The following EVA1C variants were observed in gnomAD, a reference collection of about 807,000 sequenced individuals.
The protein encoded by EVA1C is eva-1 homolog C.
Under a neutral mutation model 45.4 loss-of-function variants are expected in EVA1C, and 25 were observed. The ratio of observed to expected loss-of-function variants is 0.55; its 90% CI spans 0.40 to 0.77. The LOEUF (loss-of-function observed/expected upper bound fraction) is 0.77, where lower values mean the gene tolerates loss of function less well. Ranked by LOEUF, EVA1C falls within the 30% of genes least tolerant of loss-of-function variation. EVA1C has a pLI of 0.00. For synonymous variants in EVA1C, 190 were observed against 221.2 expected (o/e 0.86, Z 1.25); for missense variants, 479 against 554.8 (o/e 0.86, Z 1.37).
intron 1 of EVA1C, among the ~76,000 whole-genome samples, chr21:32,445,249 G>A (rs1005162175): frequency 6.6e-6 from 1 of 152,242 alleles, no homozygotes; most frequent in African/African-American, 2.4e-5. Context: ...CAATAGTGCA[G>A]AGGAAGCAAT....
intron 4 of EVA1C, among the ~76,000 whole-genome samples, chr21:32,473,192 C>G (rs1196294689): frequency 1.3e-5 from 2 of 152,246 alleles, no homozygotes; most frequent in South Asian, 2.1e-4. Flanking sequence ...TAATTGAATG[C>G]TATGAAATCA....
chr21:32,502,041 TTTCTTTCTTTC>T (rs869254801), intron 6 of EVA1C, among the ~76,000 whole-genome samples: 3 of 117,514 alleles, frequency 2.6e-5, no homozygotes, highest in Non-Finnish European at 5.2e-5. Context: ...TCTTTCTTTC[TTTCTTTCTTTC>T]TTCTTTCTTT....
chr21:32,450,414 CA>C (rs1304850497), intron 1 of EVA1C, among the ~76,000 whole-genome samples: 4 of 148,974 alleles, frequency 2.7e-5, no homozygotes, highest in Admixed American at 2.0e-4. Flanking sequence ...GCTACAGTGA[CA>C]AGATCTTTTG....
rs1328894757 is a variant in EVA1C, at chr21:32,432,760, G to A, written c.160+19747G>A. On this transcript the variant is annotated intron_variant, in intron 1 of 7. Coordinates refer to ENST00000300255, the MANE Select transcript of EVA1C (RefSeq NM_058187.5). Reference sequence around the variant, plus strand: ...TTTAGAGACAGGGTCTTGCTCTGTTGCCCAGGCTGGAGTGCAGTGATGTGA... The same window carrying A: ...TTTAGAGACAGGGTCTTGCTCTGTTACCCAGGCTGGAGTGCAGTGATGTGA... Among the ~76,000 whole-genome samples the A allele has an allele frequency of 5.3e-5, 8 of 152,294 alleles. No individual in the cohort carries two copies. The South Asian group carries it at 1.7e-3, about 32-fold the overall frequency.
chr21:32,453,112 T>G (rs2035644372), intron 1 of EVA1C, 200 bp from the exon 2 acceptor site: 3 of 497,776 alleles, frequency 6.0e-6, no homozygotes, highest in African/African-American at 1.9e-5. Flanking sequence ...CATGTCAACA[T>G]GAAAGCTGAC....
At chr21:32,502,352 G>A (rs1320024414) in intron 6 of EVA1C, among the ~76,000 whole-genome samples, 1 of 152,040 alleles carries the variant, frequency 6.6e-6, no homozygotes, top group Non-Finnish European at 1.5e-5. Flanking sequence ...CCTCGTCTCG[G>A]CCTCCCAAAG....
intron 7 of EVA1C, among the ~76,000 whole-genome samples, chr21:32,513,551 CTTTTTTT>C (rs1165725714): frequency 9.4e-6 from 1 of 106,778 alleles, no homozygotes; most frequent in Non-Finnish European, 1.8e-5. Context: ...TTTTTCTTTT[CTTTTTTT>C]TTTTTTTTTT....
chr21:32,425,942 G>A (rs770007379), intron 1 of EVA1C, among the ~76,000 whole-genome samples: 2 of 150,356 alleles, frequency 1.3e-5, no homozygotes, highest in Non-Finnish European at 3.0e-5. Context: ...CACACTTTTA[G>A]AACCTGAAAA....
chr21:32,494,323 C>A (rs1456298826), intron 4 of EVA1C, among the ~76,000 whole-genome samples: 2 of 152,158 alleles, frequency 1.3e-5, no homozygotes, highest in Non-Finnish European at 2.9e-5. Flanking sequence ...AATAGTCTCT[C>A]CTGGAGCTTA....
chr21:32,415,146 C>T (rs2033986229), intron 1 of EVA1C, among the ~76,000 whole-genome samples: 1 of 152,162 alleles, frequency 6.6e-6, no homozygotes, highest in African/African-American at 2.4e-5. Flanking sequence ...CGCCTGTGTT[C>T]CTGGGACAGT....
In EVA1C at chr21:32,499,256, A is replaced by ACTTCCT. The variant is rs1209698140; in HGVS notation, c.779-2158_779-2153dup. On this transcript the variant is annotated intron_variant, in intron 5 of 7. Transcript: ENST00000300255. Reference sequence around the variant, plus strand: ...ACCACTCCTGGCAGGGAGAGCTGACACTTCCTAGGATTCTGCATCCTTCTC... The same window carrying ACTTCCT: ...ACCACTCCTGGCAGGGAGAGCTGACACTTCCTCTTCCTAGGATTCTGCATCCTTCTC... Among the ~76,000 whole-genome samples, 4 of 152,206 alleles carry ACTTCCT rather than the reference A, an allele frequency of 2.6e-5. No homozygotes were observed. The South Asian group carries it at 8.3e-4, about 31-fold the overall frequency.
chr21:32,435,132 C>G (rs1035910328), intron 1 of EVA1C, among the ~76,000 whole-genome samples: 2 of 152,246 alleles, frequency 1.3e-5, no homozygotes, highest in African/African-American at 4.8e-5. Flanking sequence ...CTTTGCTCTC[C>G]CCTTTCCTCC....
At chr21:32,455,673 A>G (rs370293665) in intron 2 of EVA1C, among the ~76,000 whole-genome samples, 23 of 152,088 alleles carry the variant, frequency 1.5e-4, no homozygotes, top group African/African-American at 5.3e-4. Context: ...TAAAAGTAGG[A>G]ACTCTTGGCA....
chr21:32,443,469 G>A (rs1892572), intron 1 of EVA1C, among the ~76,000 whole-genome samples: 25,363 of 152,094 alleles, frequency 0.17, 2,549 homozygotes, highest in East Asian at 0.27. Context: ...CCCAGGAGGC[G>A]GAGGTTGCAG....
At chr21:32,468,400 AAAAC>A (rs1300469759) in intron 4 of EVA1C, among the ~76,000 whole-genome samples, 1 of 150,122 alleles carries the variant, frequency 6.7e-6, no homozygotes, top group African/African-American at 2.5e-5. Flanking sequence ...ACAAAAAAAC[AAAAC>A]AAACAAAAAA....
intron 4 of EVA1C, among the ~76,000 whole-genome samples, chr21:32,492,392 G>C (rs550163945): frequency 2.6e-5 from 4 of 152,248 alleles, no homozygotes; most frequent in African/African-American, 9.6e-5. Flanking sequence ...AGAGATGCAG[G>C]GGAGGCATAG....
At chr21:32,426,022 T>C (rs1297549839) in intron 1 of EVA1C, among the ~76,000 whole-genome samples, 1 of 152,118 alleles carries the variant, frequency 6.6e-6, no homozygotes, top group East Asian at 1.9e-4. Context: ...AAGACTCTCT[T>C]CTCCAAATCT....
At position 32,500,190 on chromosome 21, in the gene EVA1C, A is replaced by ATTT. The variant is rs538897939; in HGVS notation, c.779-1202_779-1200dup. Among the ~76,000 whole-genome samples, 782 of 90,986 alleles carry ATTT rather than the reference A, an allele frequency of 8.6e-3. 12 individuals carry two copies. Among genetic ancestry groups the ATTT allele is most frequent in the East Asian group, 0.018 (43 of 2,422 alleles). 59.7% of individuals were successfully genotyped at this position (90,986 alleles called of 152,430 possible). On this transcript the variant is annotated intron_variant, in intron 5 of 7. Coordinates refer to ENST00000300255, the MANE Select transcript of EVA1C (RefSeq NM_058187.5). The stretch of plus-strand genomic sequence containing the variant: ...GCTCATCTTCAGAGTTAACCACCCT[A>ATTT]TTTTTTTTTTTTTTTTTTTTTTTTT...
chr21:32,418,754 CA>C (rs1467588234), intron 1 of EVA1C, among the ~76,000 whole-genome samples: 2 of 117,962 alleles, frequency 1.7e-5, no homozygotes, highest in Admixed American at 1.6e-4. Flanking sequence ...GGAGCAAGGC[CA>C]GAAAAAAAAA....
Sources: gnomAD v4.1 joint callset for allele counts (sites outside exome capture counted in the v4.1 genomes callset) on GRCh38, gnomAD v4.1.1 for gene constraint, MANE v1.5 for transcripts, NCBI Gene and HGNC (gene_info 2026-07-23, HGNC 2026-07-21) for gene names.